Variants in CAST observed in about 807,000 individuals in gnomAD.
CAST encodes the protein MIR583 host.
CAST carries 76 observed loss-of-function variants against 119.6 expected under a neutral mutation model. That is an observed-to-expected ratio of 0.64 (90% CI 0.53 to 0.77). CAST has a LOEUF of 0.77. Among genes scored for constraint, CAST ranks in the 30% least tolerant of loss-of-function variants. CAST has a pLI of 0.00. For synonymous variants in CAST, 319 were observed against 331.6 expected, an observed-to-expected ratio of 0.96 and a Z score of 0.41; for missense variants, 953 against 946.5, an observed-to-expected ratio of 1.01 and a Z score of -0.09.
rs142617560 is a variant in CAST, at chr5:96,694,885, A to T, written c.139-951A>T. On this transcript the variant is annotated intron_variant, in intron 2 of 31. Transcript: ENST00000675179. Reference sequence around the variant, plus strand: ...CACCATCAGAAAATAACCTCATATGACCTTAAAGGATCATACTAAACATAC... The same window carrying T: ...CACCATCAGAAAATAACCTCATATGTCCTTAAAGGATCATACTAAACATAC... Among the ~76,000 whole-genome samples the T allele has an allele frequency of 7.9e-5, 12 of 152,330 alleles. No homozygotes were observed. In the East Asian group the frequency reaches 2.3e-3, roughly 29 times the overall value.
At chr5:96,069,391 G>GTCTA in the CAST span, among the ~76,000 whole-genome samples, 1 of 151,422 alleles carries the variant, frequency 6.6e-6, no homozygotes, top group Non-Finnish European at 1.5e-5. Context: ...GTCTATGTGT[G>GTCTA]TGTGTGTGTG....
chr5:95,997,300 G>A, the CAST span, among the ~76,000 whole-genome samples: 2 of 152,174 alleles, frequency 1.3e-5, no homozygotes, highest in East Asian at 1.9e-4. Context: ...GTTCTGGCAG[G>A]GCTTCTCCTA....
the CAST span, among the ~76,000 whole-genome samples, chr5:96,124,242 T>C: frequency 6.6e-6 from 1 of 152,130 alleles, no homozygotes; most frequent in Admixed American, 6.6e-5. Flanking sequence ...GCACAGCGGC[T>C]ATCTGTAGGT....
the CAST span, among the ~76,000 whole-genome samples, chr5:96,125,076 A>G: frequency 6.6e-6 from 1 of 152,196 alleles, no homozygotes; most frequent in South Asian, 2.1e-4. Context: ...CCACAAGAAC[A>G]GTTTATGTAT....
chr5:96,767,665 A>G (rs897790628), intron 28 of CAST, among the ~76,000 whole-genome samples, 183 bp downstream of exon 28: 3 of 152,182 alleles, frequency 2.0e-5, no homozygotes, highest in Admixed American at 2.0e-4. Flanking sequence ...AAAGCCCTTT[A>G]GGGTGGAAAA....
At position 96,578,654 on chromosome 5, in the gene CAST, T is replaced by C. The variant is rs917984885; in HGVS notation, c.60+48774T>C. ...TATTGTTGAAACATTTTCATGACAG[T>C]TGCTTTAAAATACATGTCAAATAAT... On this transcript the variant is annotated intron_variant, in intron 1 of 11. Coordinates refer to the CAST transcript ENST00000505143. Among the ~76,000 whole-genome samples the C allele has an allele frequency of 5.3e-5, 8 of 152,314 alleles. No homozygotes were observed. The East Asian group carries it at 1.5e-3, about 29-fold the overall frequency.
chr5:96,684,569 T>TC (rs914215645), intron 2 of CAST, among the ~76,000 whole-genome samples: 3 of 151,820 alleles, frequency 2.0e-5, no homozygotes, highest in Non-Finnish European at 4.4e-5. Flanking sequence ...CACTATCTTT[T>TC]TTTTTTTTTT....
the CAST span, among the ~76,000 whole-genome samples, chr5:96,016,869 C>G: frequency 1.4e-5 from 2 of 145,402 alleles, no homozygotes; most frequent in East Asian, 4.0e-4. Context: ...CGGAGTCTCC[C>G]TCTGTCACCC....
chr5:96,159,494 C>A, the CAST span, among the ~76,000 whole-genome samples: 5 of 152,310 alleles, frequency 3.3e-5, no homozygotes, highest in African/African-American at 9.6e-5. Context: ...AAGCTAGTAA[C>A]TTCCCTTCAC....
chr5:96,338,972 C>T, the CAST span, among the ~76,000 whole-genome samples: 2 of 152,136 alleles, frequency 1.3e-5, no homozygotes, highest in Non-Finnish European at 2.9e-5. Context: ...CTCATGGGCA[C>T]TCTGCTCCAT....
chr5:96,196,885 C>T, the CAST span, among the ~76,000 whole-genome samples: 1 of 152,166 alleles, frequency 6.6e-6, no homozygotes, highest in African/African-American at 2.4e-5. Flanking sequence ...GGAAGAGCAG[C>T]TAGCAGACTG....
chr5:96,263,876 A>T, the CAST span, among the ~76,000 whole-genome samples: 3 of 152,146 alleles, frequency 2.0e-5, no homozygotes, highest in African/African-American at 7.2e-5. Context: ...AGCAAAGGGG[A>T]AGTGCCACAC....
the CAST span, among the ~76,000 whole-genome samples, chr5:96,404,532 T>C: frequency 6.6e-6 from 1 of 152,348 alleles, no homozygotes; most frequent in South Asian, 2.1e-4. Context: ...ACTCTGGCTA[T>C]ATAACATTTA....
At chr5:96,239,354 C>G in the CAST span, among the ~76,000 whole-genome samples, 1 of 151,946 alleles carries the variant, frequency 6.6e-6, no homozygotes. Context: ...TTATTCTTTA[C>G]TAATTTGCTA....
At chr5:96,672,871 A>T (rs1404407425) in intron 1 of CAST, among the ~76,000 whole-genome samples, 1 of 152,166 alleles carries the variant, frequency 6.6e-6, no homozygotes, top group Admixed American at 6.5e-5. Context: ...TCAGAAAATA[A>T]CAATGCTTAT....
chr5:96,662,172 AC>A, upstream of CAST: 1 of 416,980 alleles, frequency 2.4e-6, no homozygotes, highest in Non-Finnish European at 4.2e-6. Flanking sequence ...CCGGGTGAGG[AC>A]CGGGGCGGAG....
At chr5:96,141,268 G>A in the CAST span, among the ~76,000 whole-genome samples, 2 of 152,124 alleles carry the variant, frequency 1.3e-5, no homozygotes, top group African/African-American at 2.4e-5. Flanking sequence ...AATAAATCAG[G>A]AGACTTTACA....
chr5:96,524,451 G>T (rs1022465243), upstream of CAST, among the ~76,000 whole-genome samples: 9 of 152,202 alleles, frequency 5.9e-5, no homozygotes, highest in Non-Finnish European at 1.3e-4. Context: ...GGCTGAAGGG[G>T]TCAGGGACTC....
chr5:96,492,832 G>GA, the CAST span, among the ~76,000 whole-genome samples: 1 of 152,206 alleles, frequency 6.6e-6, no homozygotes, highest in Admixed American at 6.5e-5. Flanking sequence ...CAGATTAACT[G>GA]AAAAGGAAAT....
Sources: gnomAD v4.1 joint callset for allele counts (sites outside exome capture counted in the v4.1 genomes callset) on GRCh38, gnomAD v4.1.1 for gene constraint, MANE v1.5 for transcripts, NCBI Gene and HGNC (gene_info 2026-07-23, HGNC 2026-07-21) for gene names.